The following A1CF variants were observed in gnomAD, a reference collection of about 807,000 sequenced individuals.
A1CF encodes APOBEC1 complementation factor.
A1CF carries 48 observed loss-of-function variants against 68.9 expected under a neutral mutation model. That is an observed-to-expected ratio of 0.70 (90% CI 0.55 to 0.89). A1CF has a LOEUF of 0.89. Ranked by LOEUF, A1CF falls within the 40% of genes least tolerant of loss-of-function variation. The pLI is 0.00. For synonymous variants in A1CF, 272 were observed against 260.4 expected, an observed-to-expected ratio of 1.04 and a Z score of -0.43; for missense variants, 653 against 718.9, an observed-to-expected ratio of 0.91 and a Z score of 1.05.
At chr10:50,819,995 A>G (rs752312981) in intron 8 of A1CF, among the ~76,000 whole-genome samples, 17 of 152,316 alleles carry the variant, frequency 1.1e-4, no homozygotes, top group Admixed American at 3.3e-4. Context: ...TAGCATGATA[A>G]GTGGTCTACA....
chr10:50,833,824 T>C (rs1191711389), intron 6 of A1CF, among the ~76,000 whole-genome samples: 2 of 152,106 alleles, frequency 1.3e-5, no homozygotes, highest in African/African-American at 4.8e-5. Context: ...CCTCATCTTG[T>C]TAGTTTGCTG....
At position 50,863,325 on chromosome 10, in the gene A1CF, C is replaced by T. The variant is rs372489437; in HGVS notation, c.-46+708G>A. ...GTCAAACTTTTATTAAAAAGCTTGG[C>T]CAAATTGAAATAAAGCCTTTGCAAT... On this transcript the variant is annotated intron_variant, in intron 2 of 12. Coordinates refer to ENST00000373997, the MANE Select transcript of A1CF (RefSeq NM_014576.4). Among the ~76,000 whole-genome samples the T allele has an allele frequency of 3.5e-4, 53 of 152,184 alleles. 2 individuals carry two copies. The South Asian group carries it at 1.0e-2, about 29-fold the overall frequency.
chr10:50,834,362 G>A (rs557471411), intron 6 of A1CF, among the ~76,000 whole-genome samples: 3 of 152,336 alleles, frequency 2.0e-5, no homozygotes, highest in African/African-American at 7.2e-5. Flanking sequence ...TCAAGAAGGT[G>A]CTGGCTGGGC....
In A1CF at chr10:50,859,926, G is replaced by C; in HGVS notation, c.15C>G (p.His5Gln). The C allele has an allele frequency of 5.0e-6, 8 of 1,613,958 alleles. No individual in the cohort carries two copies. The highest frequency in any genetic ancestry group is 6.8e-6 in the Non-Finnish European group (8 of 1,179,926). MESN[H>Q]KSGDGLSGTQ... is the part of the protein sequence containing the mutation. ...TGCCGCTCAATCCATCCCCGGATTT[G>C]TGATTTGATTCCATTGAGAGTGATT... Residue 5 changes from histidine (H) to glutamine (Q), a missense_variant, in exon 3 of 13, where the codon CAC (histidine) becomes CAG (glutamine). Physicochemically the swap from His to Gln is conservative, Grantham distance 24 (BLOSUM62 0). Transcript: ENST00000373997.
Position 50,806,525 on chromosome 10 carries a change from A to G in A1CF, c.*204T>C. On this transcript the variant is annotated 3_prime_UTR_variant, in exon 13 of 13. Coordinates refer to ENST00000373997, the MANE Select transcript of A1CF (RefSeq NM_014576.4). The stretch of plus-strand genomic sequence containing the variant: ...GGCTCTCCAGCTTTCTGTTAAACAA[A>G]AGGCTCTTTAACATTTGATTTCATT... 2.5e-6 allele frequency: 1 copy of G among 392,654 alleles called. No individual in the cohort carries two copies. Among genetic ancestry groups the G allele is most frequent in the Non-Finnish European group, 4.2e-6 (1 of 238,382 alleles). 24.3% of individuals were successfully genotyped at this position (392,654 alleles called of 1,614,324 possible).
In A1CF at chr10:50,845,973, CT is replaced by C. The variant is rs1244976129; in HGVS notation, c.100-1852del. ...TGTCTCAAAAAAAAAAAAAAAACTCCTTATTTATGAAAAAATGTATCATGCC... is the reference window on the plus strand; with the variant it reads ...TGTCTCAAAAAAAAAAAAAAAACTCCTATTTATGAAAAAATGTATCATGCC... On this transcript the variant is annotated intron_variant, in intron 3 of 12. Coordinates refer to ENST00000373997, the MANE Select transcript of A1CF (RefSeq NM_014576.4). Among the ~76,000 whole-genome samples, 9 of 151,796 alleles carry C rather than the reference CT, an allele frequency of 5.9e-5. No homozygotes were observed. The East Asian group carries it at 1.7e-3, about 29-fold the overall frequency.
chr10:50,829,487 G>A (rs1839135964), intron 6 of A1CF, among the ~76,000 whole-genome samples: 1 of 152,118 alleles, frequency 6.6e-6, no homozygotes, highest in African/African-American at 2.4e-5. Context: ...TTTTCAATAA[G>A]AATGCATCTT....
chr10:50,827,132 G>A (rs939232159), intron 7 of A1CF, among the ~76,000 whole-genome samples: 7 of 152,114 alleles, frequency 4.6e-5, no homozygotes, highest in Non-Finnish European at 8.8e-5. Context: ...GAGTCATAAA[G>A]CAAGTCCTTA....
chr10:50,870,177 T>G (rs1841184850), intron 1 of A1CF, among the ~76,000 whole-genome samples: 1 of 151,960 alleles, frequency 6.6e-6, no homozygotes, highest in South Asian at 2.1e-4. Flanking sequence ...AATCATTTTC[T>G]CTAGCTATTT....
chr10:50,860,196 A>C (rs190681252), intron 2 of A1CF, among the ~76,000 whole-genome samples: 85 of 152,320 alleles, frequency 5.6e-4, no homozygotes, highest in Middle Eastern at 6.8e-3. Context: ...TAGAAACAAA[A>C]AAAAATGAAC....
chr10:50,825,013 C>A (rs1838851055), intron 7 of A1CF, among the ~76,000 whole-genome samples: 1 of 152,166 alleles, frequency 6.6e-6, no homozygotes, highest in South Asian at 2.1e-4. Flanking sequence ...CACACCCTCA[C>A]ACTAATATTT....
chr10:50,820,591 T>G lies in A1CF; in HGVS notation c.828A>C (p.Arg276=). 1 of 1,613,700 alleles carries G rather than the reference T, an allele frequency of 6.2e-7. No homozygotes were observed. The highest frequency in any genetic ancestry group is 8.5e-7 in the Non-Finnish European group (1 of 1,179,800). ...CTTTCATAGCCTCAACTGCATCTTCTCGGTTACTGAAGTGCACAAAAGCAT... is the reference window on the plus strand; with the variant it reads ...CTTTCATAGCCTCAACTGCATCTTCGCGGTTACTGAAGTGCACAAAAGCAT... ...RDYAFVHFSN[R]EDAVEAMKAL... The change falls in exon 8 of 13, where the codon CGA becomes CGC. Residue 276 remains arginine (R), a synonymous_variant. Coordinates refer to ENST00000373997, the MANE Select transcript of A1CF (RefSeq NM_014576.4).
intron 11 of A1CF, among the ~76,000 whole-genome samples, chr10:50,810,799 TACTG>T (rs1838071217): frequency 6.6e-6 from 1 of 152,228 alleles, no homozygotes; most frequent in African/African-American, 2.4e-5. Context: ...CATTTTACAC[TACTG>T]ACTGTTATCC....
chr10:50,825,310 A>T (rs1838865495), intron 7 of A1CF, among the ~76,000 whole-genome samples: 1 of 152,162 alleles, frequency 6.6e-6, no homozygotes, highest in South Asian at 2.1e-4. Context: ...CTACTATGAT[A>T]ACCCTAAGCC....
intron 1 of A1CF, 34 bp downstream of exon 1, chr10:50,885,547 T>C (rs1841967015): frequency 6.6e-6 from 1 of 152,144 alleles, no homozygotes; most frequent in South Asian, 2.1e-4. Flanking sequence ...TTCACAGAGT[T>C]GAAATAGAAA....
intron 3 of A1CF, among the ~76,000 whole-genome samples, chr10:50,845,485 C>T (rs946858822): frequency 6.6e-6 from 1 of 152,138 alleles, no homozygotes; most frequent in Non-Finnish European, 1.5e-5. Context: ...GTTATTATCC[C>T]ATTTACATAA....
Position 50,804,019 on chromosome 10 carries a change from T to C in A1CF, c.*2710A>G, listed in dbSNP as rs1837716614. On this transcript the variant is annotated 3_prime_UTR_variant, in exon 13 of 13. Coordinates refer to ENST00000373997, the MANE Select transcript of A1CF (RefSeq NM_014576.4). ...GCAGGACTTGCTCTATCTACCTAAC[T>C]TGGGGAAAGTAAAAATAAACATATG... is the stretch of plus-strand genomic sequence containing the variant. 1 of 152,172 alleles carries C rather than the reference T, an allele frequency of 6.6e-6. No homozygotes were observed. The highest frequency in any genetic ancestry group is 2.1e-4 in the South Asian group (1 of 4,826). 9.4% of individuals were successfully genotyped at this position (152,172 alleles called of 1,614,324 possible).
In A1CF at chr10:50,877,737, A is replaced by G. The variant is rs1392909793; in HGVS notation, c.-94+7844T>C. On this transcript the variant is annotated intron_variant, in intron 1 of 12. Coordinates refer to ENST00000373997, the MANE Select transcript of A1CF (RefSeq NM_014576.4). ...GTGTGAGGATCTGTATTTCTCTTTT[A>G]CTTCCTCTGATAATTACCCAGTTTC... Among the ~76,000 whole-genome samples the G allele has an allele frequency of 2.6e-5, 4 of 152,260 alleles. No homozygotes were observed. In the East Asian group the frequency reaches 5.8e-4, roughly 22 times the overall value.
At position 50,802,030 on chromosome 10, in the gene A1CF, A is replaced by G. The variant is rs1233183922; in HGVS notation, c.*4699T>C. On this transcript the variant is annotated 3_prime_UTR_variant, in exon 13 of 13. Transcript: ENST00000373997. ...GACAACATGGCTTTAAAAATGTTGGACATTTGGAGGGCAATAGAGTATTCT... is the reference window on the plus strand; with the variant it reads ...GACAACATGGCTTTAAAAATGTTGGGCATTTGGAGGGCAATAGAGTATTCT... 6.6e-6 allele frequency: 1 copy of G among 152,166 alleles called. No homozygotes were observed. The highest frequency in any genetic ancestry group is 2.4e-5 in the African/African-American group (1 of 41,426). 9.4% of individuals were successfully genotyped at this position (152,166 alleles called of 1,614,324 possible).
Sources: allele counts gnomAD v4.1 joint callset (sites outside exome capture counted in the v4.1 genomes callset), GRCh38; gene constraint gnomAD v4.1.1; transcripts MANE v1.5; gene names NCBI Gene and HGNC (gene_info 2026-07-23, HGNC 2026-07-21).